Variants in PCCB observed in about 807,000 individuals in gnomAD.
PCCB encodes the protein propionyl-CoA carboxylase subunit beta.
A neutral mutation model predicts 60.7 loss-of-function variants in PCCB; 43 were observed. That is an observed-to-expected ratio of 0.71 (90% CI 0.55 to 0.91). The LOEUF (loss-of-function observed/expected upper bound fraction) is 0.91, where lower values mean the gene tolerates loss of function less well. Ranked by LOEUF, PCCB falls within the 40% of genes least tolerant of loss-of-function variation. PCCB has a pLI of 0.00. For synonymous variants in PCCB, 276 were observed against 255.9 expected, an observed-to-expected ratio of 1.08 and a Z score of -0.75; for missense variants, 766 against 702.8, an observed-to-expected ratio of 1.09 and a Z score of -1.02.
At chr3:136,286,723 A>G (rs1474175151) in intron 6 of PCCB, among the ~76,000 whole-genome samples, 1 of 152,142 alleles carries the variant, frequency 6.6e-6, no homozygotes, top group Non-Finnish European at 1.5e-5. Flanking sequence ...CCTGATTATT[A>G]CAGAATCCTC....
At chr3:136,268,093 T>TATATATATATATAC (rs1942070599) in intron 5 of PCCB, among the ~76,000 whole-genome samples, 1 of 85,526 alleles carries the variant, frequency 1.2e-5, no homozygotes, top group Non-Finnish European at 2.1e-5. Context: ...TGTAGATATA[T>TATATATATATATAC]ATATATATAT....
chr3:136,308,228 G>A (rs1159869651), intron 9 of PCCB, among the ~76,000 whole-genome samples: 1 of 118,196 alleles, frequency 8.5e-6, no homozygotes, highest in African/African-American at 3.3e-5. Context: ...CCATAATAAG[G>A]AAGGACTTTT....
At chr3:136,277,613 G>T (rs958871861) in intron 5 of PCCB, among the ~76,000 whole-genome samples, 3 of 152,058 alleles carry the variant, frequency 2.0e-5, no homozygotes, top group African/African-American at 7.2e-5. Flanking sequence ...GGGTTGGGGG[G>T]GCGGTTCTCA....
At position 136,261,963 on chromosome 3, in the gene PCCB, G is replaced by C. The variant is rs1238209687; in HGVS notation, c.441G>C (p.Gln147His). 1.3e-6 allele frequency: 2 copies of C among 1,555,510 alleles called. No individual in the cohort carries two copies. The highest frequency in any genetic ancestry group is 4.8e-5 in the East Asian group (2 of 42,088). The change falls in exon 5 of 15, where the codon CAG (glutamine) becomes CAC (histidine). Residue 147 changes from glutamine (Q) to histidine (H), a missense_variant. Transcript: ENST00000251654. ...HAQKICKIMD[Q>H]AITVGAPVIG... Reference sequence around the variant, plus strand: ...CTCTGCTGTCTCAGATCATGGACCAGGCCATAACGGTGGGGGCTCCAGTGA... The same window carrying C: ...CTCTGCTGTCTCAGATCATGGACCACGCCATAACGGTGGGGGCTCCAGTGA...
intron 5 of PCCB, among the ~76,000 whole-genome samples, chr3:136,266,458 G>C (rs1440550097): frequency 6.6e-6 from 1 of 152,144 alleles, no homozygotes; most frequent in Non-Finnish European, 1.5e-5. Context: ...GTCTCACTCT[G>C]TTGTTCAGGC....
chr3:136,315,237 T>A (rs1300050856), intron 9 of PCCB, among the ~76,000 whole-genome samples: 1 of 152,164 alleles, frequency 6.6e-6, no homozygotes, highest in African/African-American at 2.4e-5. Context: ...TTGAATAATG[T>A]CATATAATAA....
chr3:136,256,720 T>C (rs1294706132), intron 3 of PCCB, 97 bp downstream of exon 3: 2 of 872,650 alleles, frequency 2.3e-6, no homozygotes, highest in Non-Finnish European at 3.9e-6. Flanking sequence ...AAAACTTGCT[T>C]GTAGTTTGGG....
intron 6 of PCCB, among the ~76,000 whole-genome samples, chr3:136,289,300 T>G (rs775069928): frequency 2.0e-5 from 3 of 152,206 alleles, no homozygotes; most frequent in Non-Finnish European, 4.4e-5. Flanking sequence ...ATTTGCCTCA[T>G]GTTATTTTGA....
At chr3:136,264,469 C>T (rs1941924021) in intron 5 of PCCB, among the ~76,000 whole-genome samples, 1 of 113,062 alleles carries the variant, frequency 8.8e-6, no homozygotes, top group Admixed American at 7.9e-5. Context: ...TATGTTCCTC[C>T]TGGCCAGGAT....
intron 5 of PCCB, among the ~76,000 whole-genome samples, chr3:136,272,488 C>T (rs1303404680): frequency 6.6e-6 from 1 of 151,940 alleles, no homozygotes; most frequent in East Asian, 1.9e-4. Context: ...TGGTCCTGGG[C>T]TTTTTTGTTG....
chr3:136,306,830 G>A (rs1327693167), intron 9 of PCCB, among the ~76,000 whole-genome samples: 3 of 122,466 alleles, frequency 2.4e-5, no homozygotes, highest in African/African-American at 7.5e-5. Context: ...ATTTAAAACT[G>A]TAATCCAAGA....
intron 5 of PCCB, among the ~76,000 whole-genome samples, chr3:136,268,129 T>C (rs1227338791): frequency 2.2e-5 from 3 of 137,942 alleles, no homozygotes; most frequent in East Asian, 2.0e-4. Context: ...TATGTATATA[T>C]ATATATATAT....
intron 5 of PCCB, among the ~76,000 whole-genome samples, chr3:136,278,246 GT>G (rs1942383485): frequency 6.6e-6 from 1 of 152,134 alleles, no homozygotes; most frequent in Non-Finnish European, 1.5e-5. Context: ...AGGTTCCCCA[GT>G]GGGAACCTGA....
chr3:136,290,235 T>C (rs1436612176), intron 6 of PCCB, among the ~76,000 whole-genome samples: 1 of 152,192 alleles, frequency 6.6e-6, no homozygotes, highest in African/African-American at 2.4e-5. Flanking sequence ...ACCTCAAGTT[T>C]TGTTTGTTTG....
intron 2 of PCCB, 111 bp downstream of exon 2, chr3:136,256,086 A>G: frequency 6.9e-7 from 1 of 1,443,128 alleles, no homozygotes. Flanking sequence ...CTGCAGAGGC[A>G]CTGCAGACAT....
intron 4 of PCCB, among the ~76,000 whole-genome samples, chr3:136,261,467 C>G (rs765382660): frequency 1.3e-5 from 2 of 152,130 alleles, no homozygotes; most frequent in Non-Finnish European, 2.9e-5. Context: ...AGGAATATTG[C>G]TTATTATGCT....
intron 10 of PCCB, among the ~76,000 whole-genome samples, chr3:136,324,756 G>A (rs73863337): frequency 0.086 from 13,037 of 152,186 alleles, 1,850 homozygotes; most frequent in African/African-American, 0.3. Context: ...TGTTCCTTGT[G>A]TCAGTCCTTC....
chr3:136,265,748 A>G (rs1393427145), intron 5 of PCCB, among the ~76,000 whole-genome samples: 2 of 151,788 alleles, frequency 1.3e-5, no homozygotes, highest in Non-Finnish European at 2.9e-5. Flanking sequence ...CAACTAAACC[A>G]TTTACATTAC....
At chr3:136,323,242 A>C (rs1163739362) in intron 10 of PCCB, among the ~76,000 whole-genome samples, 1 of 152,146 alleles carries the variant, frequency 6.6e-6, no homozygotes, top group Admixed American at 6.5e-5. Flanking sequence ...GTTGGTTCAC[A>C]TGTGGGTGTC....
Sources: gnomAD v4.1 joint callset for allele counts (sites outside exome capture counted in the v4.1 genomes callset) on GRCh38, gnomAD v4.1.1 for gene constraint, MANE v1.5 for transcripts, NCBI Gene and HGNC (gene_info 2026-07-23, HGNC 2026-07-21) for gene names.